The following LARGE1 variants were observed in gnomAD, a reference collection of about 807,000 sequenced individuals.
The protein encoded by LARGE1 is LARGE xylosyl- and glucuronyltransferase 1, also known as xylosyl- and glucuronyltransferase LARGE1.
A neutral mutation model predicts 87.6 loss-of-function variants in LARGE1; 43 were observed. The observed-to-expected ratio is 0.49, with a 90% CI of 0.38 to 0.63. The LOEUF (loss-of-function observed/expected upper bound fraction) is 0.63, where lower values mean the gene tolerates loss of function less well. Among genes scored for constraint, LARGE1 ranks in the 30% least tolerant of loss-of-function variants. The pLI is 0.00. For missense variants in LARGE1, 802 were observed against 1,000.2 expected, an observed-to-expected ratio of 0.80 and a Z score of 2.67; for synonymous variants, 434 against 394.6, an observed-to-expected ratio of 1.10 and a Z score of -1.18.
chr22:33,341,279 C>T (rs1207356064), intron 9 of LARGE1, among the ~76,000 whole-genome samples: 2 of 152,026 alleles, frequency 1.3e-5, no homozygotes, highest in Non-Finnish European at 1.5e-5. Context: ...TCACCAGACA[C>T]CAAATCTGCC....
At chr22:33,653,034 C>G (rs1485493326) in intron 2 of LARGE1, among the ~76,000 whole-genome samples, 1 of 152,196 alleles carries the variant, frequency 6.6e-6, no homozygotes, top group Non-Finnish European at 1.5e-5. Context: ...CTTTTGAAAC[C>G]TGTCTCCCTG....
At chr22:33,899,433 A>G (rs927168118) in intron 1 of LARGE1, among the ~76,000 whole-genome samples, 3 of 152,200 alleles carry the variant, frequency 2.0e-5, no homozygotes, top group African/African-American at 7.2e-5. Context: ...GATGTAACAA[A>G]CCAATAAATA....
chr22:33,262,305 G>T (rs573807170), intron 11 of LARGE1, among the ~76,000 whole-genome samples: 27 of 152,150 alleles, frequency 1.8e-4, no homozygotes, highest in Non-Finnish European at 3.2e-4. Context: ...CTTCTCCTTT[G>T]ATTTCAGTCA....
chr22:33,796,257 G>A (rs2091287467), intron 1 of LARGE1, among the ~76,000 whole-genome samples: 1 of 152,220 alleles, frequency 6.6e-6, no homozygotes, highest in Admixed American at 6.5e-5. Flanking sequence ...ACTCAAAGTA[G>A]CTAATTTAAC....
chr22:33,566,775 T>C (rs1364639207), intron 5 of LARGE1, among the ~76,000 whole-genome samples: 1 of 152,232 alleles, frequency 6.6e-6, no homozygotes, highest in Non-Finnish European at 1.5e-5. Context: ...TTTTATAAAG[T>C]GCTGATTGGT....
chr22:33,922,374 C>G (rs1485719759), upstream of LARGE1: 1 of 152,212 alleles, frequency 6.6e-6, no homozygotes, highest in Non-Finnish European at 1.5e-5. Flanking sequence ...CTTTACCGAG[C>G]TGGGACCCTT....
At chr22:33,444,822 C>T (rs999077588) in intron 6 of LARGE1, among the ~76,000 whole-genome samples, 1 of 151,982 alleles carries the variant, frequency 6.6e-6, no homozygotes, top group African/African-American at 2.4e-5. Flanking sequence ...CTCAGTGGAG[C>T]TTACAGTTTT....
chr22:33,450,447 CAAA>C (rs367922467), intron 6 of LARGE1, among the ~76,000 whole-genome samples: 39,853 of 127,958 alleles, frequency 0.31, 6,076 homozygotes, highest in African/African-American at 0.45. Context: ...ACTAAAAATA[CAAA>C]AAAAAAAAAA....
chr22:33,632,317 T>C (rs2080136303), intron 3 of LARGE1, among the ~76,000 whole-genome samples: 1 of 152,088 alleles, frequency 6.6e-6, no homozygotes, highest in African/African-American at 2.4e-5. Context: ...AGAGATGGGG[T>C]TTGGCCACGT....
chr22:33,472,409 ATTTC>A (rs376984033), intron 6 of LARGE1, among the ~76,000 whole-genome samples: 80 of 152,154 alleles, frequency 5.3e-4, no homozygotes, highest in African/African-American at 1.7e-3. Flanking sequence ...CTTTTTGAGT[ATTTC>A]TTTCTTTTCA....
intron 1 of LARGE1, among the ~76,000 whole-genome samples, chr22:33,893,699 A>T (rs921250575): frequency 6.6e-6 from 1 of 152,206 alleles, no homozygotes; most frequent in African/African-American, 2.4e-5. Context: ...GTAAGCCATC[A>T]TATCACTCAT....
chr22:33,403,935 T>C (rs568197763), intron 7 of LARGE1, among the ~76,000 whole-genome samples: 5 of 152,284 alleles, frequency 3.3e-5, no homozygotes, highest in African/African-American at 1.2e-4. Flanking sequence ...CTTTCCTAGT[T>C]TGCAAAATAG....
intron 11 of LARGE1, among the ~76,000 whole-genome samples, chr22:33,309,530 A>G (rs182548399): frequency 6.6e-6 from 1 of 152,324 alleles, no homozygotes; most frequent in East Asian, 1.9e-4. Context: ...GGACACAGTA[A>G]TGAGGCACTC....
intron 2 of LARGE1, among the ~76,000 whole-genome samples, chr22:33,737,961 C>A (rs1478161166): frequency 1.3e-5 from 2 of 152,068 alleles, no homozygotes; most frequent in Non-Finnish European, 2.9e-5. Flanking sequence ...ACACTCTGTG[C>A]CTTTGAGACA....
At chr22:33,235,320 G>T (rs1926198316) in intron 11 of LARGE1, among the ~76,000 whole-genome samples, 1 of 152,148 alleles carries the variant, frequency 6.6e-6, no homozygotes, top group Non-Finnish European at 1.5e-5. Context: ...AAATAACATG[G>T]GGTTATACAT....
At position 33,473,288 on chromosome 22, in the gene LARGE1, C is replaced by T. The variant is rs57652800; in HGVS notation, c.788-41023G>A. Among the ~76,000 whole-genome samples the T allele has an allele frequency of 8.0e-3, 1,220 of 152,258 alleles. 20 individuals carry two copies. The highest frequency in any genetic ancestry group is 0.028 in the African/African-American group (1,154 of 41,546). On this transcript the variant is annotated intron_variant, in intron 6 of 14. Coordinates refer to ENST00000397394, the MANE Select transcript of LARGE1 (RefSeq NM_133642.5). ...GGTTCAAGCCACTCTCCTGCCTCAG[C>T]CTCCCAAGTAGCTGGGATTAAAGGC...
At position 33,835,679 on chromosome 22, in the gene LARGE1, G is replaced by A. The variant is rs146001545; in HGVS notation, c.-82-74121C>T. Among the ~76,000 whole-genome samples the A allele has an allele frequency of 7.6e-3, 1,158 of 152,332 alleles. 16 individuals carry two copies. Among genetic ancestry groups the A allele is most frequent in the African/African-American group, 0.027 (1,112 of 41,570 alleles). On this transcript the variant is annotated intron_variant, in intron 1 of 14. Coordinates refer to ENST00000397394, the MANE Select transcript of LARGE1 (RefSeq NM_133642.5). ...GCTAAGTTAGAAGCCAGGTTCTCCA[G>A]CTCACCTGGCATGGATAAATGTCCA...
intron 9 of LARGE1, among the ~76,000 whole-genome samples, chr22:33,345,135 C>T (rs1251487656): frequency 3.9e-5 from 6 of 152,120 alleles, no homozygotes; most frequent in Non-Finnish European, 8.8e-5. Flanking sequence ...TTACTGTATG[C>T]CAGGCACTGC....
At chr22:33,633,296 G>C (rs1266746318) in intron 3 of LARGE1, among the ~76,000 whole-genome samples, 1 of 152,138 alleles carries the variant, frequency 6.6e-6, no homozygotes, top group East Asian at 1.9e-4. Flanking sequence ...CCAGATAAGA[G>C]ACGATGCAGG....
Sources: gnomAD v4.1 joint callset for allele counts (sites outside exome capture counted in the v4.1 genomes callset) on GRCh38, gnomAD v4.1.1 for gene constraint, MANE v1.5 for transcripts, NCBI Gene and HGNC (gene_info 2026-07-23, HGNC 2026-07-21) for gene names.